The following MEF2C variants were observed in gnomAD, a reference collection of about 807,000 sequenced individuals.
MEF2C encodes myocyte enhancer factor 2C, also known as myocyte-specific enhancer factor 2C.
Under a neutral mutation model 50.5 loss-of-function variants are expected in MEF2C, and 6 were observed. That is an observed-to-expected ratio of 0.12 (90% CI 0.07 to 0.23). The LOEUF (loss-of-function observed/expected upper bound fraction) is 0.23. Among genes scored for constraint, MEF2C ranks in the 10% least tolerant of loss-of-function variants. The pLI, the probability that MEF2C is intolerant of heterozygous loss-of-function variation, is 1.00. For synonymous variants in MEF2C, 183 were observed against 228.0 expected (o/e 0.80, Z 1.78); for missense variants, 276 against 605.0 (o/e 0.46, Z 5.70).
At chr5:88,766,407 T>A (rs1207967226) in intron 3 of MEF2C, among the ~76,000 whole-genome samples, 5 of 152,184 alleles carry the variant, frequency 3.3e-5, no homozygotes, top group Non-Finnish European at 5.9e-5. Flanking sequence ...ATTTAAAAAA[T>A]TTTTTCCTTT....
At chr5:88,759,325 A>G (rs993448421) in intron 4 of MEF2C, among the ~76,000 whole-genome samples, 1 of 152,166 alleles carries the variant, frequency 6.6e-6, no homozygotes, top group Non-Finnish European at 1.5e-5. Context: ...TCTACTAAAA[A>G]TACAAAATTA....
intron 4 of MEF2C, among the ~76,000 whole-genome samples, chr5:88,756,308 C>T (rs1488748275): frequency 2.6e-5 from 4 of 152,156 alleles, no homozygotes; most frequent in Non-Finnish European, 5.9e-5. Context: ...CCCCGCCCTG[C>T]TACCTTCCCC....
intron 6 of MEF2C, chr5:88,742,966 T>C (rs1158097083): frequency 9.2e-6 from 9 of 973,654 alleles, no homozygotes; most frequent in African/African-American, 1.8e-5. Flanking sequence ...TAAATAATAA[T>C]AATAAAGCAA....
At position 88,761,284 on chromosome 5, in the gene MEF2C, G is replaced by A. The variant is rs1777733173; in HGVS notation, c.303C>T (p.Pro101=). The A allele has an allele frequency of 1.2e-6, 2 of 1,614,006 alleles. No homozygotes were observed. Among genetic ancestry groups the A allele is most frequent in the Middle Eastern group, 1.6e-4 (1 of 6,062 alleles). The change falls in exon 4 of 11, where the codon CCC becomes CCT. Residue 101 remains proline, a synonymous_variant. Coordinates refer to ENST00000504921, the MANE Select transcript of MEF2C (RefSeq NM_002397.5). The part of the protein sequence containing the change: ...KGLNGCDSPD[P]DADDSVGHSP... ...TGTGACCTACGGAATCGTCCGCATCGGGGTCTGGGCTGTCACAGCCATTAA... is the reference window on the plus strand; with the variant it reads ...TGTGACCTACGGAATCGTCCGCATCAGGGTCTGGGCTGTCACAGCCATTAA...
At chr5:88,816,465 C>CTTTT (rs70996497) in intron 2 of MEF2C, among the ~76,000 whole-genome samples, 6 of 86,134 alleles carry the variant, frequency 7.0e-5, no homozygotes, top group African/African-American at 1.9e-4. Flanking sequence ...CTGCCTACTG[C>CTTTT]TTTTTTTTTT....
intron 1 of MEF2C, among the ~76,000 whole-genome samples, chr5:88,901,985 ATACTTAAT>A (rs1312346291): frequency 1.3e-5 from 2 of 151,780 alleles, no homozygotes; most frequent in African/African-American, 2.4e-5. Context: ...TGGTTTGCTT[ATACTTAAT>A]GACAATGTAA....
intron 1 of MEF2C, among the ~76,000 whole-genome samples, chr5:88,860,895 A>C (rs1825272710): frequency 6.6e-6 from 1 of 152,200 alleles, no homozygotes; most frequent in Non-Finnish European, 1.5e-5. Flanking sequence ...TAATACCCAA[A>C]CTAAAGTCTT....
intron 3 of MEF2C, among the ~76,000 whole-genome samples, chr5:88,802,303 A>C (rs244757): frequency 6.6e-6 from 1 of 152,138 alleles, no homozygotes; most frequent in African/African-American, 2.4e-5. Flanking sequence ...CACACTGCAC[A>C]AAAGTGCAAG....
chr5:88,890,729 T>C (rs994235057), intron 1 of MEF2C, among the ~76,000 whole-genome samples: 1 of 152,228 alleles, frequency 6.6e-6, no homozygotes, highest in Admixed American at 6.5e-5. Flanking sequence ...TCTTGGAGTT[T>C]CTGTTACTTG....
chr5:88,770,613 C>G (rs1241640355), intron 3 of MEF2C, among the ~76,000 whole-genome samples: 1 of 152,164 alleles, frequency 6.6e-6, no homozygotes, highest in Non-Finnish European at 1.5e-5. Flanking sequence ...CCCATCTTTC[C>G]CTTCCTAGCA....
chr5:88,734,798 T>C, intron 6 of MEF2C: 3 of 980,174 alleles, frequency 3.1e-6, no homozygotes, highest in Non-Finnish European at 3.6e-6. Flanking sequence ...TTTCCTGTTA[T>C]TTGGAAATTA....
At chr5:88,784,333 A>C (rs1204134014) in intron 3 of MEF2C, among the ~76,000 whole-genome samples, 1 of 152,218 alleles carries the variant, frequency 6.6e-6, no homozygotes, top group Non-Finnish European at 1.5e-5. Context: ...AGAAATTAAT[A>C]ATTTATATCT....
intron 6 of MEF2C, among the ~76,000 whole-genome samples, chr5:88,745,771 T>C (rs889047537): frequency 1.3e-5 from 2 of 152,180 alleles, no homozygotes; most frequent in African/African-American, 4.8e-5. Flanking sequence ...GCCTAGATCG[T>C]GCCACTGCAC....
chr5:88,880,892 T>TA (rs1832633164), intron 1 of MEF2C: 1 of 152,050 alleles, frequency 6.6e-6, no homozygotes, highest in African/African-American at 2.4e-5. Context: ...GTTATTGAAA[T>TA]AAAAAACAAA....
chr5:88,792,369 G>T (rs1002430120), intron 3 of MEF2C, among the ~76,000 whole-genome samples: 1 of 152,162 alleles, frequency 6.6e-6, no homozygotes, highest in Non-Finnish European at 1.5e-5. Flanking sequence ...TAGGGGTAAA[G>T]TGTGCTTTTA....
chr5:88,769,310 G>A (rs2152756062), intron 3 of MEF2C, among the ~76,000 whole-genome samples: 1 of 152,222 alleles, frequency 6.6e-6, no homozygotes, highest in South Asian at 2.1e-4. Flanking sequence ...GTCTTATTCT[G>A]GGCCAACATT....
chr5:88,764,923 C>T (rs1263385458), intron 3 of MEF2C, among the ~76,000 whole-genome samples: 2 of 149,670 alleles, frequency 1.3e-5, no homozygotes, highest in Non-Finnish European at 3.0e-5. Flanking sequence ...AAATTTTAGT[C>T]AAGAGTTGGA....
chr5:88,870,984 T>C (rs1056962037), intron 1 of MEF2C, among the ~76,000 whole-genome samples: 1 of 152,138 alleles, frequency 6.6e-6, no homozygotes, highest in Non-Finnish European at 1.5e-5. Context: ...TACAATATTT[T>C]ATTTTATGCT....
intron 3 of MEF2C, among the ~76,000 whole-genome samples, chr5:88,786,137 G>C (rs1158254800): frequency 6.6e-6 from 1 of 152,046 alleles, no homozygotes; most frequent in Non-Finnish European, 1.5e-5. Context: ...ACACACAAAG[G>C]GAGGAGGGAA....
Sources: allele counts gnomAD v4.1 joint callset (sites outside exome capture counted in the v4.1 genomes callset), GRCh38; gene constraint gnomAD v4.1.1; transcripts MANE v1.5; gene names NCBI Gene and HGNC (gene_info 2026-07-23, HGNC 2026-07-21).